Variants in RYR2 observed in about 807,000 individuals in gnomAD.
RYR2 encodes the protein ryanodine receptor 2.
A neutral mutation model predicts 601.1 loss-of-function variants in RYR2; 227 were observed. The ratio of observed to expected loss-of-function variants is 0.38; its 90% CI spans 0.34 to 0.42. The LOEUF (loss-of-function observed/expected upper bound fraction) is 0.42, where lower values mean the gene tolerates loss of function less well. Ranked by LOEUF, RYR2 falls within the 10% of genes least tolerant of loss-of-function variation. RYR2 has a pLI of 1.00. For missense variants in RYR2, 4,646 were observed against 6,156.5 expected (o/e 0.75, Z 8.21); for synonymous variants, 2,223 against 2,175.1 (o/e 1.02, Z -0.61).
intron 1 of RYR2, among the ~76,000 whole-genome samples, chr1:237,217,374 G>A (rs59254377): frequency 5.3e-5 from 8 of 150,928 alleles, no homozygotes; most frequent in African/African-American, 1.9e-4. Flanking sequence ...TGTACCTAAA[G>A]TGACCATAGG....
intron 16 of RYR2, among the ~76,000 whole-genome samples, chr1:237,467,750 C>A (rs559381054): frequency 5.3e-5 from 8 of 152,226 alleles, no homozygotes; most frequent in African/African-American, 1.9e-4. Context: ...TAATTGTACA[C>A]TGTAACTGTA....
At chr1:237,456,561 G>A in intron 15 of RYR2, 39 bp from the exon 16 acceptor site, 1 of 1,448,690 alleles carries the variant, frequency 6.9e-7, no homozygotes, top group Non-Finnish European at 9.1e-7. Context: ...GACAGTTTTG[G>A]ATGTCTGATT....
chr1:237,811,532 TTAA>T (rs1193076262), intron 100 of RYR2, among the ~76,000 whole-genome samples: 1 of 151,932 alleles, frequency 6.6e-6, no homozygotes, highest in Admixed American at 6.5e-5. Flanking sequence ...AACTTTCTTT[TTAA>T]TAAAAAAAAT....
intron 20 of RYR2, 81 bp downstream of exon 20, chr1:237,496,833 A>G (rs945077130): frequency 2.7e-6 from 4 of 1,482,650 alleles, no homozygotes; most frequent in Admixed American, 3.9e-5. Context: ...TGCTGCTTCC[A>G]TTAGGTACTT....
At chr1:237,680,350 G>C (rs1685763699) in intron 61 of RYR2, 106 bp from the exon 62 acceptor site, 1 of 830,334 alleles carries the variant, frequency 1.2e-6, no homozygotes, top group Non-Finnish European at 1.9e-6. Context: ...GACATAAGGA[G>C]ACCTGTTGCA....
chr1:237,139,281 A>C (rs73117640), intron 1 of RYR2, among the ~76,000 whole-genome samples: 6,901 of 152,300 alleles, frequency 0.045, 502 homozygotes, highest in African/African-American at 0.16. Flanking sequence ...CCAGTCACAA[A>C]GGACAACATC....
intron 2 of RYR2, among the ~76,000 whole-genome samples, chr1:237,272,442 ACTCT>A (rs1689794479): frequency 6.6e-6 from 1 of 151,198 alleles, no homozygotes; most frequent in African/African-American, 2.4e-5. Flanking sequence ...AAAAGGCTAC[ACTCT>A]CTCTTCTCCC....
rs2148437710 is a variant in RYR2, at chr1:237,590,793, G to A, written c.3961G>A (p.Gly1321Arg). The A allele has an allele frequency of 4.3e-6, 7 of 1,613,886 alleles. No homozygotes were observed. Among genetic ancestry groups the A allele is most frequent in the Non-Finnish European group, 5.9e-6 (7 of 1,179,860 alleles). Residue 1321 changes from glycine to arginine, a missense_variant, in exon 31 of 105, where the codon GGG becomes AGG. By Grantham distance (125) the Gly-to-Arg change is moderately radical. This residue lies in a region of RYR2 where 1,807 missense variants were observed against 2,088.1 expected (regional missense o/e 0.87). Coordinates refer to ENST00000366574, the MANE Select transcript of RYR2 (RefSeq NM_001035.3). ...GGTCTTCTCCAAGACGGTGGCTGGA[G>A]GGCTCCCTGGGGCTGGCCTTTTTGG... ...AEVFSKTVAG[G>R]LPGAGLFGPK... is the part of the protein sequence containing the mutation.
At chr1:237,100,605 C>T (rs1417313341) in intron 1 of RYR2, among the ~76,000 whole-genome samples, 2 of 152,070 alleles carry the variant, frequency 1.3e-5, no homozygotes, top group African/African-American at 4.8e-5. Flanking sequence ...AGGCTGGTCT[C>T]TAATTCCTGA....
intron 3 of RYR2, among the ~76,000 whole-genome samples, chr1:237,341,287 A>G (rs190584867): frequency 1.4e-3 from 207 of 152,308 alleles, no homozygotes; most frequent in African/African-American, 4.8e-3. Context: ...TTAATAAACT[A>G]TTCTGCAATT....
chr1:237,687,060 A>C (rs1180681433), intron 62 of RYR2, among the ~76,000 whole-genome samples: 2 of 152,194 alleles, frequency 1.3e-5, no homozygotes, highest in Non-Finnish European at 1.5e-5. Context: ...ATATTTTTTA[A>C]ATCCAGAGTT....
chr1:237,061,498 G>C (rs1558164806), intron 1 of RYR2, among the ~76,000 whole-genome samples: 2 of 152,096 alleles, frequency 1.3e-5, no homozygotes, highest in African/African-American at 2.4e-5. Context: ...TTTTTGTAGA[G>C]ATGAGGTCTT....
intron 27 of RYR2, among the ~76,000 whole-genome samples, chr1:237,559,236 T>C (rs867941970): frequency 6.6e-5 from 10 of 152,268 alleles, no homozygotes; most frequent in Middle Eastern, 6.8e-3. Flanking sequence ...GATTAAAATG[T>C]CCAAATGTTG....
At chr1:237,697,383 ATAT>A (rs1179631840) in intron 63 of RYR2, among the ~76,000 whole-genome samples, 1 of 142,148 alleles carries the variant, frequency 7.0e-6, no homozygotes, top group Non-Finnish European at 1.5e-5. Context: ...ATATAATTGC[ATAT>A]TATATATTAT....
At chr1:237,294,976 G>A (rs1338967418) in intron 2 of RYR2, among the ~76,000 whole-genome samples, 1 of 152,202 alleles carries the variant, frequency 6.6e-6, no homozygotes, top group African/African-American at 2.4e-5. Context: ...CAGTTTGGGA[G>A]ACTGAGATGG....
intron 19 of RYR2, 32 bp downstream of exon 19, chr1:237,493,119 G>T: frequency 6.2e-7 from 1 of 1,612,006 alleles, no homozygotes; most frequent in Admixed American, 1.7e-5. Flanking sequence ...CACCTGACAG[G>T]TACCATAATA....
At chr1:237,793,474 A>G (rs1261881765) in intron 94 of RYR2, among the ~76,000 whole-genome samples, 2 of 152,218 alleles carry the variant, frequency 1.3e-5, no homozygotes, top group Non-Finnish European at 2.9e-5. Flanking sequence ...ATAAAACTGC[A>G]CTTTAGTAGC....
intron 1 of RYR2, among the ~76,000 whole-genome samples, chr1:237,232,640 C>G (rs1043169525): frequency 3.3e-5 from 5 of 152,144 alleles, no homozygotes; most frequent in African/African-American, 1.2e-4. Flanking sequence ...TTGAAGCTAG[C>G]CTGTTAGAAG....
intron 79 of RYR2, among the ~76,000 whole-genome samples, chr1:237,737,612 G>A (rs745588400): frequency 2.0e-5 from 3 of 152,044 alleles, no homozygotes; most frequent in Non-Finnish European, 2.9e-5. Flanking sequence ...TCAGACCATT[G>A]CCCCAGGCTG....
Sources: allele counts gnomAD v4.1 joint callset (sites outside exome capture counted in the v4.1 genomes callset), GRCh38; gene constraint gnomAD v4.1.1; regional missense constraint gnomAD v4.1.1; transcripts MANE v1.5; gene names NCBI Gene and HGNC (gene_info 2026-07-23, HGNC 2026-07-21).